The following CFAP263 variants were observed in gnomAD, a reference collection of about 807,000 sequenced individuals.
CFAP263 encodes cilia- and flagella-associated protein 263.
the CFAP263 span, among the ~76,000 whole-genome samples, chr16:58,267,892 G>T: frequency 6.6e-6 from 1 of 151,988 alleles, no homozygotes; most frequent in African/African-American, 2.4e-5. Flanking sequence ...TCGATGTTTC[G>T]TGTCTACAAC....
chr16:58,251,936 C>T, the CFAP263 span, among the ~76,000 whole-genome samples: 55 of 152,288 alleles, frequency 3.6e-4, no homozygotes, highest in African/African-American at 7.0e-4. Context: ...TTATCTCTTC[C>T]TCTGTTCAAA....
At chr16:58,250,223 C>T in the CFAP263 span, 1 of 617,262 alleles carries the variant, frequency 1.6e-6, no homozygotes. Flanking sequence ...CCTCACTGAG[C>T]ACTGGGGAGA....
chr16:58,253,546 C>T, the CFAP263 span, among the ~76,000 whole-genome samples: 1 of 152,104 alleles, frequency 6.6e-6, no homozygotes, highest in Admixed American at 6.5e-5. Flanking sequence ...CCCATATGTA[C>T]CCTGGACCAC....
the CFAP263 span, among the ~76,000 whole-genome samples, chr16:58,258,909 C>T: frequency 6.6e-5 from 10 of 151,782 alleles, no homozygotes; most frequent in African/African-American, 2.4e-5. Flanking sequence ...GCCTGGGAGG[C>T]GGAGATTGCG....
At chr16:58,271,402 T>C in the CFAP263 span, among the ~76,000 whole-genome samples, 1 of 152,228 alleles carries the variant, frequency 6.6e-6, no homozygotes, top group Non-Finnish European at 1.5e-5. Context: ...TGTTTATTAC[T>C]ATTAATGAAC....
the CFAP263 span, chr16:58,250,008 C>T: frequency 1.3e-6 from 2 of 1,574,192 alleles, no homozygotes; most frequent in Non-Finnish European, 1.7e-6. Context: ...GCCGCTTCGG[C>T]AGAGTGATGA....
At chr16:58,255,060 C>T in the CFAP263 span, among the ~76,000 whole-genome samples, 1 of 152,106 alleles carries the variant, frequency 6.6e-6, no homozygotes, top group Admixed American at 6.6e-5. Flanking sequence ...CCCACGCAAT[C>T]GATCGGCTGT....
chr16:58,262,781 A>G, the CFAP263 span, among the ~76,000 whole-genome samples: 4 of 150,794 alleles, frequency 2.7e-5, no homozygotes, highest in East Asian at 7.8e-4. Context: ...ATAGATAGAT[A>G]GATAGATAGA....
chr16:58,255,209 G>A, the CFAP263 span, among the ~76,000 whole-genome samples: 1 of 152,182 alleles, frequency 6.6e-6, no homozygotes, highest in Non-Finnish European at 1.5e-5. Context: ...GTACAAGTCC[G>A]AGGGTCTAAA....
chr16:58,262,502 T>G, the CFAP263 span: 1 of 1,610,602 alleles, frequency 6.2e-7, no homozygotes, highest in Non-Finnish European at 8.5e-7. Context: ...GCTAAAGCTG[T>G]CATCTGGAAA....
chr16:58,279,728 T>G, the CFAP263 span: 3 of 1,612,800 alleles, frequency 1.9e-6, no homozygotes, highest in African/African-American at 4.0e-5. Context: ...TGGAATCGAA[T>G]GAAAATAACC....
chr16:58,264,140 C>T, the CFAP263 span, among the ~76,000 whole-genome samples: 11 of 152,196 alleles, frequency 7.2e-5, no homozygotes, highest in Non-Finnish European at 1.5e-4. Flanking sequence ...CTACTTTTAG[C>T]TTCTCTCATC....
the CFAP263 span, chr16:58,250,174 G>A: frequency 1.8e-6 from 2 of 1,100,138 alleles, no homozygotes; most frequent in Non-Finnish European, 2.6e-6. Context: ...CTCTCCGGGC[G>A]GCCTCGGACT....
chr16:58,260,154 C>A, the CFAP263 span, among the ~76,000 whole-genome samples: 1 of 152,124 alleles, frequency 6.6e-6, no homozygotes, highest in African/African-American at 2.4e-5. Flanking sequence ...TATATAATCT[C>A]CCTCCTTATC....
At chr16:58,250,096 G>T in the CFAP263 span, 14 of 1,586,192 alleles carry the variant, frequency 8.8e-6, no homozygotes, top group South Asian at 8.1e-5. Context: ...CCAGCTGTGC[G>T]GGCTGGTGGA....
the CFAP263 span, among the ~76,000 whole-genome samples, chr16:58,262,035 G>T: frequency 3.9e-5 from 6 of 151,982 alleles, no homozygotes; most frequent in Non-Finnish European, 7.4e-5. Flanking sequence ...TGCGTGACTC[G>T]GTCTTTCTTC....
the CFAP263 span, chr16:58,253,922 T>A: frequency 4.6e-6 from 7 of 1,518,946 alleles, no homozygotes; most frequent in Non-Finnish European, 6.4e-6. Flanking sequence ...GGTCAGAGGA[T>A]CATTCTGATG....
At chr16:58,262,641 G>A in the CFAP263 span, 823,746 of 1,169,600 alleles carry the variant, frequency 0.7, 292,285 homozygotes, top group African/African-American at 0.93. Context: ...CACAGCGTTT[G>A]GGTGCCCCCT....
At chr16:58,258,107 CAAAAA>C in the CFAP263 span, among the ~76,000 whole-genome samples, 18 of 82,294 alleles carry the variant, frequency 2.2e-4, no homozygotes, top group East Asian at 1.1e-3. Context: ...GACTCTGTCT[CAAAAA>C]AAAAAAAAAA....
Sources: gnomAD v4.1 joint callset for allele counts (sites outside exome capture counted in the v4.1 genomes callset) on GRCh38, gnomAD v4.1.1 for gene constraint, MANE v1.5 for transcripts, NCBI Gene and HGNC (gene_info 2026-07-23, HGNC 2026-07-21) for gene names.